The following ULK4 variants were observed in gnomAD, a reference collection of about 807,000 sequenced individuals.
The protein encoded by ULK4 is unc-51 like kinase 4.
In ULK4, 133 loss-of-function variants were observed where a neutral mutation model predicts 160.6. That is an observed-to-expected ratio of 0.83 (90% CI 0.72 to 0.96). ULK4 has a LOEUF of 0.96. ULK4 is among the 40% of genes least tolerant of loss of function. ULK4 has a pLI of 0.00. For synonymous variants in ULK4, 534 were observed against 539.8 expected (o/e 0.99, Z 0.15); for missense variants, 1,580 against 1,499.5 (o/e 1.05, Z -0.89).
At chr3:41,421,122 AAAAAG>A (rs66621972) in intron 34 of ULK4, among the ~76,000 whole-genome samples, 84,212 of 148,732 alleles carry the variant, frequency 0.57, 25,206 homozygotes, top group African/African-American at 0.8. Context: ...ATCTCAAAAA[AAAAAG>A]AAAAGAAAAG....
At chr3:41,488,717 A>G (rs562107549) in intron 32 of ULK4, among the ~76,000 whole-genome samples, 1 of 152,246 alleles carries the variant, frequency 6.6e-6, no homozygotes, top group Admixed American at 6.5e-5. Flanking sequence ...CTACATTCTG[A>G]CACTTTTGTA....
At chr3:41,534,951 C>CTATATG (rs2086446898) in intron 32 of ULK4, among the ~76,000 whole-genome samples, 1 of 152,048 alleles carries the variant, frequency 6.6e-6, no homozygotes, top group Non-Finnish European at 1.5e-5. Flanking sequence ...CCATATCAAA[C>CTATATG]TATATGTATG....
At chr3:41,868,666 TA>T (rs1246913395) in intron 17 of ULK4, among the ~76,000 whole-genome samples, 2 of 127,838 alleles carry the variant, frequency 1.6e-5, no homozygotes, top group Non-Finnish European at 1.5e-5. Flanking sequence ...ATTTTTTTTG[TA>T]TTTTTTTTTT....
At chr3:41,500,983 CTAATTGGCTAA>C (rs537752680) in intron 32 of ULK4, among the ~76,000 whole-genome samples, 248 of 152,254 alleles carry the variant, frequency 1.6e-3, no homozygotes, top group Non-Finnish European at 2.9e-3. Flanking sequence ...TCTACAGTTA[CTAATTGGCTAA>C]TTAGCACAGC....
chr3:41,483,151 T>C (rs556606503), intron 32 of ULK4, among the ~76,000 whole-genome samples: 1 of 152,314 alleles, frequency 6.6e-6, no homozygotes, highest in East Asian at 1.9e-4. Context: ...ATCCCCACTT[T>C]AGTCCTACCT....
intron 35 of ULK4, among the ~76,000 whole-genome samples, chr3:41,286,526 T>G (rs17055020): frequency 0.25 from 37,691 of 151,916 alleles, 6,922 homozygotes; most frequent in African/African-American, 0.51. Context: ...CCAGAGAACT[T>G]TCTAGGAGGC....
At chr3:41,324,229 G>A (rs1194356569) in intron 35 of ULK4, among the ~76,000 whole-genome samples, 1 of 152,216 alleles carries the variant, frequency 6.6e-6, no homozygotes, top group Non-Finnish European at 1.5e-5. Context: ...CTCCTAGGAA[G>A]GAGACATCTA....
chr3:41,465,645 G>A (rs533307845), intron 32 of ULK4, among the ~76,000 whole-genome samples: 129 of 152,168 alleles, frequency 8.5e-4, no homozygotes, highest in Non-Finnish European at 1.6e-3. Context: ...ATTTTCTCAT[G>A]GAACTGTTCC....
intron 32 of ULK4, among the ~76,000 whole-genome samples, chr3:41,520,869 T>C (rs2085908574): frequency 6.6e-6 from 1 of 152,238 alleles, no homozygotes; most frequent in African/African-American, 2.4e-5. Flanking sequence ...TTTGGAGAAA[T>C]GTCTATTCAA....
intron 32 of ULK4, among the ~76,000 whole-genome samples, chr3:41,528,665 C>T (rs75633242): frequency 0.028 from 4,299 of 152,248 alleles, 182 homozygotes; most frequent in African/African-American, 0.093. Flanking sequence ...CTTTGTAGCA[C>T]TATAAGCCAA....
At chr3:41,643,482 G>A (rs557606868) in intron 30 of ULK4, among the ~76,000 whole-genome samples, 11 of 152,316 alleles carry the variant, frequency 7.2e-5, no homozygotes, top group African/African-American at 2.4e-4. Context: ...TCTCAGGTTT[G>A]TCAAAGATCA....
In ULK4 at chr3:41,387,356, T is replaced by C. The variant is rs150200944; in HGVS notation, c.3678+10723A>G. On this transcript the variant is annotated intron_variant, in intron 35 of 36. Coordinates refer to ENST00000301831, the MANE Select transcript of ULK4 (RefSeq NM_017886.4). ...ACTTATTCCTCTTATTTAGCTGTAATTTTGTATCTTTTTTTTTCTTTTTTA... is the reference window on the plus strand; with the variant it reads ...ACTTATTCCTCTTATTTAGCTGTAACTTTGTATCTTTTTTTTTCTTTTTTA... Among the ~76,000 whole-genome samples, 1,017 of 152,182 alleles carry C rather than the reference T, an allele frequency of 6.7e-3. 4 individuals are homozygous for C. Among genetic ancestry groups the C allele is most frequent in the East Asian group, 0.015 (78 of 5,170 alleles).
chr3:41,262,912 T>G (rs2078970972), intron 35 of ULK4, among the ~76,000 whole-genome samples: 1 of 131,604 alleles, frequency 7.6e-6, no homozygotes, highest in South Asian at 2.2e-4. Flanking sequence ...CCAAAATAAG[T>G]GAGGACACAG....
intron 18 of ULK4, among the ~76,000 whole-genome samples, chr3:41,825,597 A>G (rs2041317913): frequency 6.6e-6 from 1 of 152,246 alleles, no homozygotes. Context: ...TGAAGCAAGA[A>G]GAGAAGTTTA....
chr3:41,664,432 C>A (rs1233805754), intron 29 of ULK4, among the ~76,000 whole-genome samples: 1 of 152,214 alleles, frequency 6.6e-6, no homozygotes, highest in Non-Finnish European at 1.5e-5. Context: ...ACGCAGCACA[C>A]TCTTCCCCCA....
chr3:41,415,995 A>C (rs993224915), intron 34 of ULK4, among the ~76,000 whole-genome samples: 2 of 152,234 alleles, frequency 1.3e-5, no homozygotes, highest in South Asian at 4.1e-4. Context: ...TGTTCCAATG[A>C]CTTTCATAAA....
At chr3:41,431,881 T>C (rs1426732727) in intron 34 of ULK4, among the ~76,000 whole-genome samples, 6 of 150,044 alleles carry the variant, frequency 4.0e-5, no homozygotes, top group African/African-American at 7.4e-5. Context: ...GCTCCGCCTC[T>C]CGGGTTCACG....
At chr3:41,821,760 T>C (rs1446711804) in intron 18 of ULK4, among the ~76,000 whole-genome samples, 1 of 152,138 alleles carries the variant, frequency 6.6e-6, no homozygotes, top group Non-Finnish European at 1.5e-5. Context: ...ACACTGACTT[T>C]CTCAGTTTCC....
At chr3:41,552,520 C>A (rs7635434) in intron 32 of ULK4, among the ~76,000 whole-genome samples, 77,421 of 151,418 alleles carry the variant, frequency 0.51, 19,875 homozygotes, top group Middle Eastern at 0.57. Flanking sequence ...GCTTAAAAAA[C>A]TACCTAGGAA....
Sources: allele counts gnomAD v4.1 joint callset (sites outside exome capture counted in the v4.1 genomes callset), GRCh38; gene constraint gnomAD v4.1.1; transcripts MANE v1.5; gene names NCBI Gene and HGNC (gene_info 2026-07-23, HGNC 2026-07-21).